Variants in GLIS1 observed in about 807,000 individuals in gnomAD.
GLIS1 encodes zinc finger protein GLIS1.
GLIS1 carries 24 observed loss-of-function variants against 63.8 expected under a neutral mutation model. The ratio of observed to expected loss-of-function variants is 0.38; its 90% confidence interval spans 0.27 to 0.53. GLIS1 has a LOEUF of 0.53. Among genes scored for constraint, GLIS1 ranks in the 20% least tolerant of loss-of-function variants. The pLI, the probability that GLIS1 is intolerant of heterozygous loss-of-function variation, is 0.85. For missense variants in GLIS1, 1,036 were observed against 1,074.1 expected (o/e 0.96, Z 0.50); for synonymous variants, 450 against 482.5 (o/e 0.93, Z 0.88).
chr1:53,726,114 G>C (rs1646802762), intron 2 of GLIS1, among the ~76,000 whole-genome samples: 1 of 152,222 alleles, frequency 6.6e-6, no homozygotes, highest in South Asian at 2.1e-4. Flanking sequence ...ACAGCAGTCA[G>C]ACAATGAAGG....
In GLIS1 at chr1:53,643,142, G is replaced by A. The variant is rs550567258; in HGVS notation, c.260-42864C>T. On this transcript the variant is annotated intron_variant, in intron 2 of 10. Coordinates refer to ENST00000628545, the MANE Select transcript of GLIS1 (RefSeq NM_001367484.1). ...GTCTGTTGTGACCCAAAAGTGGAGG[G>A]CTTCATATGGAAGGAATCAAGAGGC... 5.3e-5 allele frequency among the ~76,000 whole-genome samples: 8 copies of A among 152,300 alleles called. No homozygotes were observed. In the South Asian group the frequency reaches 1.7e-3, roughly 32 times the overall value.
intron 2 of GLIS1, among the ~76,000 whole-genome samples, chr1:53,605,373 G>C (rs147692352): frequency 6.6e-6 from 1 of 152,116 alleles, no homozygotes; most frequent in Non-Finnish European, 1.5e-5. Flanking sequence ...TGGGCCCTCA[G>C]AGCCCAGCAG....
rs1393258424 is a variant in GLIS1 at position 53,718,980 on chromosome 1, G to A, written c.259+18826C>T. On this transcript the variant is annotated intron_variant, in intron 2 of 10. Coordinates refer to ENST00000628545, the MANE Select transcript of GLIS1 (RefSeq NM_001367484.1). ...GCTTAGTGCCCACTGTGTTACCCTG[G>A]GCCACTTCTGTGGGGTCCTAGGGAG... 2.0e-5 allele frequency among the ~76,000 whole-genome samples: 3 copies of A among 152,088 alleles called. No individual in the cohort carries two copies. In the East Asian group the frequency reaches 5.8e-4, roughly 29 times the overall value.
intron 7 of GLIS1, among the ~76,000 whole-genome samples, chr1:53,518,012 G>A (rs985649636): frequency 1.3e-5 from 2 of 152,238 alleles, no homozygotes; most frequent in Non-Finnish European, 2.9e-5. Flanking sequence ...ACTTCAGGCT[G>A]TAAAGCTGTG....
chr1:53,739,018 G>A (rs1297443792), intron 1 of GLIS1, among the ~76,000 whole-genome samples, 87 bp downstream of exon 1: 1 of 152,042 alleles, frequency 6.6e-6, no homozygotes, highest in Non-Finnish European at 1.5e-5. Flanking sequence ...CCAAGCTGCC[G>A]GGGTTCGAGC....
intron 2 of GLIS1, among the ~76,000 whole-genome samples, chr1:53,642,716 C>A (rs1453895723): frequency 6.6e-6 from 1 of 152,170 alleles, no homozygotes; most frequent in Non-Finnish European, 1.5e-5. Context: ...ATTCCCTCTG[C>A]CTGCAACACC....
At chr1:53,567,467 G>T (rs1457038629) in intron 4 of GLIS1, among the ~76,000 whole-genome samples, 1 of 152,206 alleles carries the variant, frequency 6.6e-6, no homozygotes, top group East Asian at 1.9e-4. Context: ...TGGTAGAAAA[G>T]AAAAGCCCAT....
chr1:53,681,744 G>A (rs940922025), intron 2 of GLIS1, among the ~76,000 whole-genome samples: 2 of 152,180 alleles, frequency 1.3e-5, no homozygotes, highest in Non-Finnish European at 2.9e-5. Context: ...CTAGGTGCGT[G>A]GGACACAGGA....
At chr1:53,698,665 A>G (rs1167380336) in intron 2 of GLIS1, among the ~76,000 whole-genome samples, 1 of 152,232 alleles carries the variant, frequency 6.6e-6, no homozygotes, top group Non-Finnish European at 1.5e-5. Context: ...GGCTGCTGCC[A>G]GAAGAGAGCC....
Position 53,594,231 on chromosome 1 carries a change from G to T in GLIS1, c.1197C>A (p.Arg399=), listed in dbSNP as rs1225947039. The T allele has an allele frequency of 6.2e-7, 1 of 1,613,898 alleles. No individual in the cohort carries two copies. The highest frequency in any genetic ancestry group is 1.7e-5 in the Admixed American group (1 of 60,030). The change falls in exon 4 of 11, where the codon CGC becomes CGA. Residue 399 remains arginine (R), a synonymous_variant. Transcript: ENST00000628545. ...RHIEKSHIDQ[R]KGEDFTCFWA... is the part of the protein sequence containing the mutation. ...AGAAGCAGGTGAAGTCCTCGCCCTT[G>T]CGCTGGTCGATGTGGCTCTTCTCGA...
rs1644270306 is a variant in GLIS1, at chr1:53,509,198, G to C, written c.2152C>G (p.Leu718Val). 6.2e-7 allele frequency: 1 copy of C among 1,600,054 alleles called. No homozygotes were observed. The highest frequency in any genetic ancestry group is 1.7e-5 in the Admixed American group (1 of 58,460). ...TTGAAACCGTGGGTCTCCCCGACCA[G>C]TCCGTCCCCACCGGCTGCTGGTTCA... Reference protein sequence around the residue: ...MAEPAAGGDGLVGETHGFNPL... With the variant: ...MAEPAAGGDGVVGETHGFNPL... Residue 718 changes from leucine (L) to valine (V), a missense_variant, in exon 10 of 11, where the codon CTG becomes GTG. Leu to Val is a conservative substitution (Grantham distance 32). Around this residue, in one of 3 missense-constraint regions of GLIS1, gnomAD observed 400 missense variants for 400.9 expected, o/e 1.00. Transcript: ENST00000628545.
intron 2 of GLIS1, among the ~76,000 whole-genome samples, chr1:53,620,310 C>T (rs538533076): frequency 4.6e-5 from 7 of 152,206 alleles, no homozygotes; most frequent in African/African-American, 7.2e-5. Context: ...TTCAGACCAG[C>T]GCTGACATCG....
Position 53,562,117 on chromosome 1 carries a change from G to A in GLIS1, c.1320+31991C>T, listed in dbSNP as rs777421121. Among the ~76,000 whole-genome samples, 10 of 152,344 alleles carry A rather than the reference G, an allele frequency of 6.6e-5. No individual in the cohort carries two copies. In the Middle Eastern group the frequency reaches 0.01, roughly 155 times the overall value. On this transcript the variant is annotated intron_variant, in intron 4 of 10. Coordinates refer to ENST00000628545, the MANE Select transcript of GLIS1 (RefSeq NM_001367484.1). ...ATCTGTCTGCCAGGAATAAGTGCAT[G>A]CACGGTTAAGGGGGCAATGCAACAG...
intron 4 of GLIS1, among the ~76,000 whole-genome samples, chr1:53,559,488 C>T (rs1644864335): frequency 6.6e-6 from 1 of 152,214 alleles, no homozygotes; most frequent in Admixed American, 6.5e-5. Context: ...TGCTCGGCCC[C>T]TGCCCTGATC....
intron 5 of GLIS1, among the ~76,000 whole-genome samples, chr1:53,528,095 G>A (rs1013504892): frequency 6.6e-6 from 1 of 152,196 alleles, no homozygotes; most frequent in Admixed American, 6.5e-5. Context: ...ATAACTGGGG[G>A]TGCTGGGGCA....
Position 53,574,344 on chromosome 1 carries a change from C to T in GLIS1, c.1320+19764G>A, listed in dbSNP as rs1645011657. On this transcript the variant is annotated intron_variant, in intron 4 of 10. Transcript: ENST00000628545. The surrounding 1 kb of genome is among the most constrained non-coding windows in gnomAD (Gnocchi z 4.2). ...CTCTGTACCCAGAACATGCACATGG[C>T]CTGGCATATTCTGGGTACTCAATAA... Among the ~76,000 whole-genome samples the T allele has an allele frequency of 6.6e-6, 1 of 152,184 alleles. No homozygotes were observed. Among genetic ancestry groups the T allele is most frequent in the Non-Finnish European group, 1.5e-5 (1 of 68,020 alleles).
intron 2 of GLIS1, among the ~76,000 whole-genome samples, chr1:53,657,828 T>C (rs189529176): frequency 5.9e-5 from 9 of 152,318 alleles, no homozygotes; most frequent in Admixed American, 3.9e-4. Flanking sequence ...GGTGAAATGT[T>C]GGGTGATTGA....
chr1:53,539,176 C>T lies in GLIS1; in HGVS notation c.1321-9224G>A, dbSNP rs560408360. ...GGACACTCACACACTCTGATGTGAA[C>T]ACCTCTCCCTCCAACCAAGCCACAC... On this transcript the variant is annotated intron_variant, in intron 4 of 10. Coordinates refer to ENST00000628545, the MANE Select transcript of GLIS1 (RefSeq NM_001367484.1). This position sits in a 1 kb window ranked among gnomAD's most constrained non-coding sequence, Gnocchi z 5.0. Among the ~76,000 whole-genome samples the T allele has an allele frequency of 6.6e-6, 1 of 152,020 alleles. No individual in the cohort carries two copies. Among genetic ancestry groups the T allele is most frequent in the South Asian group, 2.1e-4 (1 of 4,824 alleles).
At chr1:53,542,868 C>A (rs867658508) in intron 4 of GLIS1, among the ~76,000 whole-genome samples, 1 of 152,226 alleles carries the variant, frequency 6.6e-6, no homozygotes, top group Non-Finnish European at 1.5e-5. Context: ...GTCCCCTCCC[C>A]GCACTATGGA....
Sources: allele counts gnomAD v4.1 joint callset (sites outside exome capture counted in the v4.1 genomes callset), GRCh38; gene constraint gnomAD v4.1.1; regional missense constraint gnomAD v4.1.1; non-coding constraint Gnocchi (gnomAD v3.1); transcripts MANE v1.5; gene names NCBI Gene and HGNC (gene_info 2026-07-23, HGNC 2026-07-21).